Variants in RTEL1 observed in about 807,000 individuals in gnomAD.
The protein encoded by RTEL1 is regulator of telomere elongation helicase 1.
Under a neutral mutation model 162.2 loss-of-function variants are expected in RTEL1, and 86 were observed. That is an observed-to-expected ratio of 0.53 (90% confidence interval 0.45 to 0.63). The LOEUF (loss-of-function observed/expected upper bound fraction) is 0.63, where lower values mean the gene tolerates loss of function less well. RTEL1 is among the 30% of genes least tolerant of loss of function. The pLI, the probability that RTEL1 is intolerant of heterozygous loss-of-function variation, is 0.00. For synonymous variants in RTEL1, 958 were observed against 717.9 expected (o/e 1.33, Z -5.35); for missense variants, 1,941 against 1,750.2 (o/e 1.11, Z -1.95).
At position 63,693,014 on chromosome 20, in the gene RTEL1, T is replaced by G; in HGVS notation, c.2851+11T>G. 2 of 1,612,212 alleles carry G rather than the reference T, an allele frequency of 1.2e-6. No homozygotes were observed. On this transcript the variant is annotated intron_variant, in intron 29 of 34. Coordinates refer to ENST00000360203, the MANE Select transcript of RTEL1 (RefSeq NM_001283009.2). ...ACAACCTGCTCCAAGGTGCCCTGGC[T>G]TGCAGAGGCCACCCACCCTGAGGGC...
At chr20:63,660,524 A>G (rs534963770) in intron 2 of RTEL1, among the ~76,000 whole-genome samples, 115 of 150,858 alleles carry the variant, frequency 7.6e-4, no homozygotes, top group African/African-American at 2.8e-3. Flanking sequence ...CATACAACAC[A>G]TGTTTCTGTG....
rs1601199974 is a variant in RTEL1, at chr20:63,695,457, A to C, written c.3629A>C (p.His1210Pro). 6.3e-7 allele frequency: 1 copy of C among 1,591,828 alleles called. No homozygotes were observed. Among genetic ancestry groups the C allele is most frequent in the Middle Eastern group, 1.7e-4 (1 of 5,956 alleles). Reference sequence around the variant, plus strand: ...CCCAGCCAGTCCTCAGGACCTCCCCACGGGCCTGCAGCATCTGAGTGGGGT... The same window carrying C: ...CCCAGCCAGTCCTCAGGACCTCCCCCCGGGCCTGCAGCATCTGAGTGGGGT... ...AGPSQSSGPPHGPAASEWGEP... is the reference protein window; with the variant it reads ...AGPSQSSGPPPGPAASEWGEP... Residue 1210 changes from histidine (H) to proline (P), a missense_variant, in exon 34 of 35, where the codon CAC becomes CCC. Transcript: ENST00000360203.
chr20:63,695,234 C>A lies in RTEL1; in HGVS notation c.3499+13C>A. ...GCTCCCCAACCAGGTAGGGCACCTG[C>A]CTGGCTGCTCCTGGCAGCGCCCCAA... On this transcript the variant is annotated intron_variant, in intron 33 of 34. Coordinates refer to ENST00000360203, the MANE Select transcript of RTEL1 (RefSeq NM_001283009.2). 6.2e-7 allele frequency: 1 copy of A among 1,609,538 alleles called. No individual in the cohort carries two copies. The highest frequency in any genetic ancestry group is 8.5e-7 in the Non-Finnish European group (1 of 1,178,170).
intron 14 of RTEL1, chr20:63,681,791 G>A (rs1021364676): frequency 3.0e-6 from 3 of 985,376 alleles, no homozygotes; most frequent in East Asian, 1.1e-4. Context: ...CACAGCCTGT[G>A]TCTTCTCTGT....
Position 63,692,859 on chromosome 20 carries a change from G to A in RTEL1, c.2707G>A (p.Val903Met), listed in dbSNP as rs143317975. 1.5e-5 allele frequency: 24 copies of A among 1,612,530 alleles called. No homozygotes were observed. The highest frequency in any genetic ancestry group is 1.6e-4 in the Middle Eastern group (1 of 6,078). ...TDRAKLFMVAVKQELSQANFA... is the reference protein window; with the variant it reads ...TDRAKLFMVAMKQELSQANFA... The stretch of plus-strand genomic sequence containing the variant: ...CAGGGCCAAGCTCTTCATGGTGGCC[G>A]TGAAGCAGGAGTTGAGCCAAGCCAA... Residue 903 changes from valine (V) to methionine (M), a missense_variant, in exon 29 of 35, where the codon GTG becomes ATG. Coordinates refer to ENST00000360203, the MANE Select transcript of RTEL1 (RefSeq NM_001283009.2).
rs2090482292 is a variant in RTEL1 at position 63,681,767 on chromosome 20, G to C, written c.1191+1048G>C. 3 of 985,214 alleles carry C rather than the reference G, an allele frequency of 3.0e-6. No homozygotes were observed. In the South Asian group the frequency reaches 1.4e-4, roughly 46 times the overall value. The allele number at this position is 985,214 out of a possible 1,614,324, so 61.0% of individuals were successfully genotyped here. ...CCCTCCCTCCACTGTGGCCGTCTCT[G>C]TGGCCAGTGACGCCACAGCCTGTGT... On this transcript the variant is annotated intron_variant, in intron 14 of 34. Transcript: ENST00000360203.
intron 14 of RTEL1, chr20:63,681,061 G>A (rs1028857872): frequency 2.3e-5 from 23 of 985,308 alleles, no homozygotes; most frequent in Middle Eastern, 1.0e-3. Flanking sequence ...CCAGCTGCAC[G>A]CAGATGAAGA....
chr20:63,694,610 G>A (rs918524731), intron 31 of RTEL1, 122 bp downstream of exon 31: 2 of 1,211,858 alleles, frequency 1.7e-6, no homozygotes, highest in African/African-American at 1.5e-5. Context: ...GGTGGGGACT[G>A]CTCCCGGTTC....
At chr20:63,667,607 G>A (rs889725378) in intron 8 of RTEL1, 54 bp downstream of exon 8, 5 of 1,413,186 alleles carry the variant, frequency 3.5e-6, no homozygotes, top group African/African-American at 2.8e-5. Flanking sequence ...GTGTCCCTGG[G>A]CTTGGGAACA....
rs1422960880 is a variant in RTEL1 at position 63,665,989 on chromosome 20, G to T, written c.539-15G>T. The T allele has an allele frequency of 6.2e-7, 1 of 1,613,208 alleles. No homozygotes were observed. Among genetic ancestry groups the T allele is most frequent in the Admixed American group, 1.7e-5 (1 of 59,972 alleles). ...ACCCTGAGGGTGTGTGTTTACCCCT[G>T]CCTCACACCTGCAGAAAAAAGCCTG... is the stretch of plus-strand genomic sequence containing the variant. On this transcript the variant is annotated splice_polypyrimidine_tract_variant and intron_variant, in intron 6 of 34. Transcript: ENST00000360203.
chr20:63,663,869 C>T (rs953975229), intron 6 of RTEL1, among the ~76,000 whole-genome samples: 2 of 152,168 alleles, frequency 1.3e-5, no homozygotes, highest in African/African-American at 2.4e-5. Flanking sequence ...GGCGGCGCTC[C>T]CCTGGCAGAG....
At chr20:63,675,638 T>TA (rs777348146) in intron 10 of RTEL1, among the ~76,000 whole-genome samples, 4 of 152,118 alleles carry the variant, frequency 2.6e-5, no homozygotes, top group Non-Finnish European at 5.9e-5. Flanking sequence ...CTCAGCGTCT[T>TA]AAAGCGCCGG....
At position 63,680,575 on chromosome 20, in the gene RTEL1, G is replaced by A. The variant is rs578031628; in HGVS notation, c.1136-89G>A. 4.3e-6 allele frequency: 6 copies of A among 1,411,050 alleles called. No individual in the cohort carries two copies. In the East Asian group the frequency reaches 9.2e-5, roughly 22 times the overall value. The allele number at this position is 1,411,050 out of a possible 1,614,324, so 87.4% of individuals were successfully genotyped here. Reference sequence around the variant, plus strand: ...GCAGGAGATGGAGCTTGGCAGTCGGGCTGAGCGGGCTCATGCTGGAAGGGC... The same window carrying A: ...GCAGGAGATGGAGCTTGGCAGTCGGACTGAGCGGGCTCATGCTGGAAGGGC... On this transcript the variant is annotated intron_variant, in intron 13 of 34. Coordinates refer to ENST00000360203, the MANE Select transcript of RTEL1 (RefSeq NM_001283009.2).
chr20:63,695,475 AGTGGG>A lies in RTEL1; in HGVS notation c.3651_3655del (p.Trp1217Ter), dbSNP rs1202635653. 1.2e-6 allele frequency: 2 copies of A among 1,604,946 alleles called. No individual in the cohort carries two copies. The highest frequency in any genetic ancestry group is 2.2e-5 in the South Asian group (2 of 89,946). The stretch of plus-strand genomic sequence containing the variant: ...CCTCCCCACGGGCCTGCAGCATCTG[AGTGGG>A]GTGAGCCTCATGGGAGAGACATCGC... On this transcript the variant is annotated frameshift_variant, in exon 34 of 35. Transcript: ENST00000360203. LOFTEE classifies it high-confidence loss of function.
At chr20:63,677,198 C>T (rs1041162478) in intron 10 of RTEL1, among the ~76,000 whole-genome samples, 70 of 152,190 alleles carry the variant, frequency 4.6e-4, no homozygotes, top group Admixed American at 2.2e-3. Flanking sequence ...TCCTGCAAGA[C>T]GGTATTTCAA....
rs750342117 is a variant in RTEL1, at chr20:63,688,125, C to G, written c.1596-14C>G. The G allele has an allele frequency of 5.0e-6, 8 of 1,612,530 alleles. No individual in the cohort carries two copies. Among genetic ancestry groups the G allele is most frequent in the Non-Finnish European group, 6.8e-6 (8 of 1,179,918 alleles). On this transcript the variant is annotated splice_polypyrimidine_tract_variant and intron_variant, in intron 18 of 34. Transcript: ENST00000360203. ...GAGGCCTGAGGTCCTGAGCAGTGGC[C>G]TCTCCGGCTCTAGGTTTTCCGAGGA...
At position 63,695,312 on chromosome 20, in the gene RTEL1, A is replaced by C; in HGVS notation, c.3500-16A>C. 6.3e-7 allele frequency: 1 copy of C among 1,574,816 alleles called. No homozygotes were observed. The highest frequency in any genetic ancestry group is 8.6e-7 in the Non-Finnish European group (1 of 1,159,796). ...AAAGCCCCAGGCCCCCCTCAGACTC[A>C]AGTCTCTGTCTCCAGGCCCCTCACG... On this transcript the variant is annotated splice_polypyrimidine_tract_variant and intron_variant, in intron 33 of 34. Transcript: ENST00000360203.
At position 63,694,836 on chromosome 20, in the gene RTEL1, A is replaced by G; in HGVS notation, c.3205A>G (p.Arg1069Gly). Reference sequence around the variant, plus strand: ...GAGCGCCTACCTGGCTGATGCCCGCAGGGCCCTGGGGTCCGCGGGCTGTAG... The same window carrying G: ...GAGCGCCTACCTGGCTGATGCCCGCGGGGCCCTGGGGTCCGCGGGCTGTAG... ...AVSAYLADAR[R>G]ALGSAGCSQL... The change falls in exon 32 of 35, where the codon AGG becomes GGG. Residue 1069 changes from arginine to glycine, a missense_variant. By Grantham distance (125) the Arg-to-Gly change is moderately radical (BLOSUM62 -2). Coordinates refer to ENST00000360203, the MANE Select transcript of RTEL1 (RefSeq NM_001283009.2). 6.2e-7 allele frequency: 1 copy of G among 1,612,552 alleles called. No homozygotes were observed. Among genetic ancestry groups the G allele is most frequent in the African/African-American group, 1.3e-5 (1 of 75,042 alleles).
intron 24 of RTEL1, 65 bp downstream of exon 24, chr20:63,689,930 A>G: frequency 6.4e-7 from 1 of 1,557,442 alleles, no homozygotes. Context: ...GGGCCCCTGG[A>G]CTCTCCTTCC....
Sources: allele counts gnomAD v4.1 joint callset (sites outside exome capture counted in the v4.1 genomes callset), GRCh38; gene constraint gnomAD v4.1.1; transcripts MANE v1.5; gene names NCBI Gene and HGNC (gene_info 2026-07-23, HGNC 2026-07-21).